Variants in IMPDH1 observed in about 807,000 individuals in gnomAD.
The protein encoded by IMPDH1 is inosine monophosphate dehydrogenase 1, also known as inosine-5'-monophosphate dehydrogenase 1.
IMPDH1 carries 41 observed loss-of-function variants against 73.5 expected under a neutral mutation model. The ratio of observed to expected loss-of-function variants is 0.56; its 90% CI spans 0.43 to 0.72. The LOEUF (loss-of-function observed/expected upper bound fraction) is 0.72. IMPDH1 is among the 30% of genes least tolerant of loss of function. The probability of loss-of-function intolerance (pLI) is 0.00; values close to 1 mark genes in which losing one functional copy is unlikely to be tolerated. For synonymous variants in IMPDH1, 318 were observed against 334.3 expected (o/e 0.95, Z 0.53); for missense variants, 645 against 824.8 (o/e 0.78, Z 2.67).
At chr7:128,400,600 G>T in intron 7 of IMPDH1, 61 bp from the exon 8 acceptor site, 3 of 1,493,952 alleles carry the variant, frequency 2.0e-6, no homozygotes, top group East Asian at 4.6e-5. Context: ...GTCCAGGCTG[G>T]CCACAGGGAA....
chr7:128,395,831 T>C (rs549574781), intron 12 of IMPDH1, among the ~76,000 whole-genome samples: 8 of 152,342 alleles, frequency 5.3e-5, no homozygotes, highest in African/African-American at 1.9e-4. Flanking sequence ...CTGAGACAAG[T>C]AGGTGCCTAA....
In IMPDH1 at chr7:128,392,828, G is replaced by T; in HGVS notation, c.*179C>A. ...TGGCCCCGGGAGCAGTCCTGACTCTGCAGGGGATGCCGAGTGAGGGGCAGC... is the reference window on the plus strand; with the variant it reads ...TGGCCCCGGGAGCAGTCCTGACTCTTCAGGGGATGCCGAGTGAGGGGCAGC... On this transcript the variant is annotated 3_prime_UTR_variant, in exon 17 of 17. Transcript: ENST00000338791. 1.5e-6 allele frequency: 1 copy of T among 645,594 alleles called. No individual in the cohort carries two copies. The allele number at this position is 645,594 out of a possible 1,614,324, so 40.0% of individuals were successfully genotyped here. A position where few individuals can be genotyped will look rare whatever the true frequency, so the allele number is the denominator to read the frequency against.
chr7:128,396,993 C>A lies in IMPDH1; in HGVS notation c.1104G>T (p.Gln368His). Reference protein sequence around the residue: ...LDSSQGNSVYQIAMVHYIKQK... With the variant: ...LDSSQGNSVYHIAMVHYIKQK... Reference sequence around the variant, plus strand: ...GTTTGATGTAATGCACCATGGCGATCTGATACACCGAATTCCCTTGGGACG... The same window carrying A: ...GTTTGATGTAATGCACCATGGCGATATGATACACCGAATTCCCTTGGGACG... The change falls in exon 11 of 17, where the codon CAG (glutamine) becomes CAT (histidine). Residue 368 changes from glutamine (Q) to histidine (H), a missense_variant. Gln to His is a conservative substitution (Grantham distance 24, BLOSUM62 0). This residue lies in a region of IMPDH1 where 459 missense variants were observed against 638.2 expected (regional missense o/e 0.72). Coordinates refer to ENST00000338791, the MANE Select transcript of IMPDH1 (RefSeq NM_000883.4). This position sits in a 1 kb window ranked among gnomAD's most constrained non-coding sequence, Gnocchi z 4.0. 1.2e-6 allele frequency: 2 copies of A among 1,614,028 alleles called. No homozygotes were observed. Among genetic ancestry groups the A allele is most frequent in the Non-Finnish European group, 1.7e-6 (2 of 1,179,918 alleles).
At chr7:128,406,725 C>T (rs960834333) in intron 3 of IMPDH1, among the ~76,000 whole-genome samples, 5 of 152,206 alleles carry the variant, frequency 3.3e-5, no homozygotes, top group South Asian at 4.1e-4. Flanking sequence ...TGATTCATGG[C>T]CCAGTGCTTC....
At position 128,394,134 on chromosome 7, in the gene IMPDH1, G is replaced by T; in HGVS notation, c.1778+144C>A. On this transcript the variant is annotated intron_variant, in intron 16 of 16. Transcript: ENST00000338791. This position sits in a 1 kb window ranked among gnomAD's most constrained non-coding sequence, Gnocchi z 5.5. ...CAGGGGGCTGGGCCCCCGAAGAGAGGGTGAGGGGCCATCCTGCAGCAGCAT... is the reference window on the plus strand; with the variant it reads ...CAGGGGGCTGGGCCCCCGAAGAGAGTGTGAGGGGCCATCCTGCAGCAGCAT... 1 of 715,938 alleles carries T rather than the reference G, an allele frequency of 1.4e-6. No individual in the cohort carries two copies. 44.3% of individuals were successfully genotyped at this position (715,938 alleles called of 1,614,324 possible). A position where few individuals can be genotyped will look rare whatever the true frequency, so the allele number is the denominator to read the frequency against.
At chr7:128,393,166 G>A (rs1413459451) in intron 16 of IMPDH1, 138 bp from the exon 17 acceptor site, 6 of 955,214 alleles carry the variant, frequency 6.3e-6, no homozygotes, top group Non-Finnish European at 1.0e-5. Flanking sequence ...GTACGGCGCA[G>A]GAGGAGGGCC....
rs769443239 is a variant in IMPDH1 at position 128,395,225 on chromosome 7, C to T, written c.1311G>A (p.Glu437=). 54 of 1,613,778 alleles carry T rather than the reference C, an allele frequency of 3.3e-5. No individual in the cohort carries two copies. Among genetic ancestry groups the T allele is most frequent in the Non-Finnish European group, 4.3e-5 (51 of 1,180,056 alleles). The part of the protein sequence containing the change: ...PQGTAVYKVA[E]YARRFGVPII... Reference sequence around the variant, plus strand: ...TGGGCACACCAAAGCGCCGGGCATACTCAGCCACCTTGTACACAGCAGTGC... The same window carrying T: ...TGGGCACACCAAAGCGCCGGGCATATTCAGCCACCTTGTACACAGCAGTGC... Residue 437 remains glutamate (E), a synonymous_variant, in exon 13 of 17, where the codon GAG becomes GAA. Coordinates refer to ENST00000338791, the MANE Select transcript of IMPDH1 (RefSeq NM_000883.4).
At chr7:128,400,923 G>A in intron 6 of IMPDH1, 32 bp from the exon 7 acceptor site, 1 of 1,608,190 alleles carries the variant, frequency 6.2e-7, no homozygotes, top group Non-Finnish European at 8.5e-7. Flanking sequence ...GTCAGAGCCG[G>A]GGCCCATTCC....
intron 7 of IMPDH1, 80 bp downstream of exon 7, chr7:128,400,737 G>C: frequency 7.7e-7 from 1 of 1,302,532 alleles, no homozygotes; most frequent in Non-Finnish European, 1.1e-6. Context: ...AGCAGTGCAG[G>C]GCTGGCAGGG....
Position 128,398,287 on chromosome 7 carries a change from A to G in IMPDH1, c.1074+127T>C. On this transcript the variant is annotated intron_variant, in intron 10 of 16. Transcript: ENST00000338791. This position sits in a 1 kb window ranked among gnomAD's most constrained non-coding sequence, Gnocchi z 4.3. ...CTAATTCTGACACCAGGGAGCACTC[A>G]GAAAGAGAGAGGAAGAGTAGCAAGG... 1.4e-6 allele frequency: 1 copy of G among 740,382 alleles called. No homozygotes were observed. The highest frequency in any genetic ancestry group is 1.7e-5 in the South Asian group (1 of 58,240). 45.9% of individuals were successfully genotyped at this position (740,382 alleles called of 1,614,324 possible). A position where few individuals can be genotyped will look rare whatever the true frequency, so the allele number is the denominator to read the frequency against.
intron 12 of IMPDH1, 51 bp from the exon 13 acceptor site, chr7:128,395,325 G>A (rs1410141198): frequency 2.5e-6 from 4 of 1,606,558 alleles, no homozygotes; most frequent in African/African-American, 1.3e-5. Context: ...AGCAACTCCG[G>A]GGCCTGGAGC....
In IMPDH1 at chr7:128,409,961, A is replaced by G. The variant is rs1005159911; in HGVS notation, c.-60T>C. ...GAGGCTCCCGGGGCCCCGGCTGGGC[A>G]GTGAGCGCAGCCCGGTCGAGTCCCG... On this transcript the variant is annotated 5_prime_UTR_variant, in exon 1 of 17. Coordinates refer to ENST00000338791, the MANE Select transcript of IMPDH1 (RefSeq NM_000883.4). The G allele has an allele frequency of 1.7e-5, 22 of 1,299,642 alleles. No individual in the cohort carries two copies. The African/African-American group carries it at 3.0e-4, about 18-fold the overall frequency. 80.5% of individuals were successfully genotyped at this position (1,299,642 alleles called of 1,614,324 possible).
intron 4 of IMPDH1, 88 bp from the exon 5 acceptor site, chr7:128,403,842 G>T: frequency 8.6e-7 from 1 of 1,166,844 alleles, no homozygotes; most frequent in African/African-American, 1.5e-5. Flanking sequence ...CAGCAGGGGG[G>T]TACAGAAAAG....
chr7:128,393,013 C>G lies in IMPDH1; in HGVS notation c.1794G>C (p.Leu598=). 2 of 1,613,908 alleles carry G rather than the reference C, an allele frequency of 1.2e-6. No homozygotes were observed. The highest frequency in any genetic ancestry group is 8.5e-7 in the Non-Finnish European group (1 of 1,179,844). Residue 598 remains leucine (L), a synonymous_variant, in exon 17 of 17, where the codon CTG becomes CTC. Coordinates refer to ENST00000338791, the MANE Select transcript of IMPDH1 (RefSeq NM_000883.4). ...TCGGCCTCCACCGCTGTCCTCAGTA[C>G]AGCCGCTTTTCGTAACTGTGGGGAC... ...VHGLHSYEKR[L]Y
chr7:128,400,638 G>T, intron 7 of IMPDH1, 99 bp from the exon 8 acceptor site: 1 of 1,328,264 alleles, frequency 7.5e-7, no homozygotes, highest in Non-Finnish European at 1.1e-6. Flanking sequence ...CTGCAGAGAA[G>T]CCAGGACCCT....
chr7:128,399,871 G>A (rs1798193475), intron 9 of IMPDH1, among the ~76,000 whole-genome samples: 1 of 152,164 alleles, frequency 6.6e-6, no homozygotes, highest in Non-Finnish European at 1.5e-5. Context: ...CATCGCATAG[G>A]ACTAGTTTTG....
Position 128,394,289 on chromosome 7 carries a change from A to G in IMPDH1, c.1767T>C (p.His589=), listed in dbSNP as rs776562088. ...GCCACCACACTTACGAGTGCAGGCC[A>G]TGGACACCACCCTCAATCTGGGCCG... ...TMSAQIEGGV[H]GLHSYEKRLY The change falls in exon 16 of 17, where the codon CAT becomes CAC. Residue 589 remains histidine (H), a synonymous_variant. Transcript: ENST00000338791. The surrounding 1 kb of genome is among the most constrained non-coding windows in gnomAD (Gnocchi z 5.5). 1 of 1,613,890 alleles carries G rather than the reference A, an allele frequency of 6.2e-7. No individual in the cohort carries two copies. Among genetic ancestry groups the G allele is most frequent in the Non-Finnish European group, 8.5e-7 (1 of 1,179,930 alleles).
intron 12 of IMPDH1, among the ~76,000 whole-genome samples, chr7:128,395,807 G>A (rs1195318827): frequency 2.0e-5 from 3 of 152,220 alleles, no homozygotes; most frequent in African/African-American, 7.2e-5. Context: ...CTACCTCAAA[G>A]CTTTGAACAG....
At chr7:128,406,089 C>A (rs1307122701) in intron 3 of IMPDH1, 1 of 154,208 alleles carries the variant, frequency 6.5e-6, no homozygotes, top group Non-Finnish European at 1.4e-5. Context: ...CGGAAACCGC[C>A]GCCTCCGCCC....
Sources: gnomAD v4.1 joint callset for allele counts (sites outside exome capture counted in the v4.1 genomes callset) on GRCh38, gnomAD v4.1.1 for gene constraint, gnomAD v4.1.1 regional missense constraint, Gnocchi (gnomAD v3.1) non-coding constraint, MANE v1.5 for transcripts, NCBI Gene and HGNC (gene_info 2026-07-23, HGNC 2026-07-21) for gene names.